Variants in ENTREP2 observed in about 807,000 individuals in gnomAD.
The protein encoded by ENTREP2 is protein ENTREP2.
the ENTREP2 span, among the ~76,000 whole-genome samples, chr15:29,135,300 A>G: frequency 6.6e-6 from 1 of 152,060 alleles, no homozygotes; most frequent in Admixed American, 6.5e-5. The surrounding 1 kb of genome is among the most constrained non-coding windows in gnomAD (Gnocchi z 7.4). Context: ...GATTGGGGCA[A>G]TGTTCATGGA....
At chr15:29,610,071 T>C in the ENTREP2 span, 1 of 150,528 alleles carries the variant, frequency 6.6e-6, no homozygotes, top group African/African-American at 2.4e-5. Context: ...CAGACTCTAC[T>C]GGGGCCTGGG....
chr15:29,637,504 C>T, the ENTREP2 span, among the ~76,000 whole-genome samples: 2 of 152,182 alleles, frequency 1.3e-5, no homozygotes. Context: ...CCATGAATAA[C>T]TGGATGTGTG....
the ENTREP2 span, among the ~76,000 whole-genome samples, chr15:29,618,238 A>G: frequency 6.6e-6 from 1 of 152,078 alleles, no homozygotes; most frequent in Non-Finnish European, 1.5e-5. Context: ...CCTGACCAAC[A>G]TAGTGAAACC....
the ENTREP2 span, among the ~76,000 whole-genome samples, chr15:29,643,334 A>G: frequency 1.3e-5 from 2 of 152,182 alleles, no homozygotes; most frequent in African/African-American, 4.8e-5. Context: ...ATAGATAGAC[A>G]TTTCTCCCAC....
chr15:29,256,000 CAAAAA>C, the ENTREP2 span, among the ~76,000 whole-genome samples: 3 of 112,462 alleles, frequency 2.7e-5, no homozygotes, highest in Admixed American at 9.5e-5. Flanking sequence ...GAGTCCGTCT[CAAAAA>C]AAAAAAAAAA....
At chr15:29,290,880 A>T in the ENTREP2 span, among the ~76,000 whole-genome samples, 1 of 152,204 alleles carries the variant, frequency 6.6e-6, no homozygotes, top group Non-Finnish European at 1.5e-5. Context: ...AGGCCGATGG[A>T]GATGCGGCCT....
chr15:29,288,794 GCACATAA>G, the ENTREP2 span, among the ~76,000 whole-genome samples: 4 of 152,186 alleles, frequency 2.6e-5, no homozygotes, highest in African/African-American at 2.4e-5. Context: ...TTGTCATTAA[GCACATAA>G]CACATAACTA....
the ENTREP2 span, among the ~76,000 whole-genome samples, chr15:29,305,733 A>C: frequency 6.6e-6 from 1 of 152,210 alleles, no homozygotes; most frequent in Non-Finnish European, 1.5e-5. Context: ...ATGTGTTAAA[A>C]TGGAAATGCC....
At chr15:29,304,690 G>A in the ENTREP2 span, among the ~76,000 whole-genome samples, 1 of 152,140 alleles carries the variant, frequency 6.6e-6, no homozygotes, top group Non-Finnish European at 1.5e-5. Context: ...AAAAGGCAGA[G>A]GACTTAGATT....
the ENTREP2 span, among the ~76,000 whole-genome samples, chr15:29,140,309 G>A: frequency 2.0e-5 from 3 of 152,130 alleles, no homozygotes; most frequent in African/African-American, 7.2e-5. Flanking sequence ...CAGAGGAGAC[G>A]GGCAGACGCC....
the ENTREP2 span, among the ~76,000 whole-genome samples, chr15:29,526,937 T>C: frequency 1.3e-5 from 2 of 152,072 alleles, no homozygotes; most frequent in Admixed American, 1.3e-4. Context: ...TCACTAACGA[T>C]CTCCATGCTG....
the ENTREP2 span, among the ~76,000 whole-genome samples, chr15:29,148,029 G>A: frequency 2.6e-5 from 4 of 152,180 alleles, no homozygotes; most frequent in African/African-American, 9.6e-5. Flanking sequence ...CTAAATGAAA[G>A]AAGCCAGACA....
At chr15:29,411,897 T>C in the ENTREP2 span, among the ~76,000 whole-genome samples, 1 of 152,198 alleles carries the variant, frequency 6.6e-6, no homozygotes, top group Non-Finnish European at 1.5e-5. Context: ...CCCTGCATCG[T>C]TTCATATATG....
chr15:29,493,959 A>C, the ENTREP2 span, among the ~76,000 whole-genome samples: 6 of 152,312 alleles, frequency 3.9e-5, no homozygotes, highest in African/African-American at 1.4e-4. Flanking sequence ...CCTGGCCAAT[A>C]GAGTGAGACT....
the ENTREP2 span, among the ~76,000 whole-genome samples, chr15:29,465,781 G>A: frequency 6.6e-6 from 1 of 152,182 alleles, no homozygotes; most frequent in East Asian, 1.9e-4. Context: ...AGTCTATCAA[G>A]TTTATAATAA....
chr15:29,224,349 A>C, the ENTREP2 span, among the ~76,000 whole-genome samples: 2 of 152,126 alleles, frequency 1.3e-5, no homozygotes, highest in Non-Finnish European at 2.9e-5. Flanking sequence ...ACTTATTGCA[A>C]ACATTGAAAG....
the ENTREP2 span, among the ~76,000 whole-genome samples, chr15:29,215,771 A>C: frequency 6.6e-6 from 1 of 151,848 alleles, no homozygotes; most frequent in South Asian, 2.1e-4. Context: ...CACCTCTTTA[A>C]GTTTATGTGA....
the ENTREP2 span, among the ~76,000 whole-genome samples, chr15:29,627,540 TAAAAAA>T: frequency 8.3e-6 from 1 of 120,238 alleles, no homozygotes; most frequent in Non-Finnish European, 1.8e-5. Context: ...AGACTCCATC[TAAAAAA>T]AAAAAAAAAA....
At chr15:29,425,212 T>G in the ENTREP2 span, among the ~76,000 whole-genome samples, 5 of 145,596 alleles carry the variant, frequency 3.4e-5, no homozygotes, top group African/African-American at 1.3e-4. Flanking sequence ...TTTTTTTTTG[T>G]ATTTTTTAAT....
Sources: allele counts gnomAD v4.1 joint callset (sites outside exome capture counted in the v4.1 genomes callset), GRCh38; gene constraint gnomAD v4.1.1; non-coding constraint Gnocchi (gnomAD v3.1); transcripts MANE v1.5; gene names NCBI Gene and HGNC (gene_info 2026-07-23, HGNC 2026-07-21).